STK32B: variants seen among roughly 807,000 people sequenced by gnomAD.
STK32B encodes the protein serine/threonine-protein kinase 32B.
Under a neutral mutation model 52.6 loss-of-function variants are expected in STK32B, and 43 were observed. That is an observed-to-expected ratio of 0.82 (90% CI 0.64 to 1.05). STK32B has a LOEUF of 1.05. Among genes scored for constraint, STK32B ranks in the 50% least tolerant of loss-of-function variants. STK32B has a pLI of 0.00. For missense variants in STK32B, 621 were observed against 534.6 expected, an observed-to-expected ratio of 1.16 and a Z score of -1.59; for synonymous variants, 238 against 204.3, an observed-to-expected ratio of 1.17 and a Z score of -1.41.
chr4:5,282,239 C>G (rs554763180), intron 3 of STK32B, among the ~76,000 whole-genome samples: 71 of 152,238 alleles, frequency 4.7e-4, no homozygotes, highest in African/African-American at 1.7e-3. Context: ...TTTACCTATA[C>G]ATGAAACTGG....
chr4:5,189,411 T>A (rs1721007867), intron 3 of STK32B, among the ~76,000 whole-genome samples: 1 of 152,246 alleles, frequency 6.6e-6, no homozygotes. Flanking sequence ...ATACAGTGTG[T>A]AGACTTTTCA....
At chr4:5,419,719 AAGG>A (rs1382648918) in intron 6 of STK32B, among the ~76,000 whole-genome samples, 1 of 152,166 alleles carries the variant, frequency 6.6e-6, no homozygotes, top group Non-Finnish European at 1.5e-5. Flanking sequence ...TGAGGGTTGT[AAGG>A]AGAACTTATT....
chr4:5,053,841 T>C (rs1309194620), intron 1 of STK32B, among the ~76,000 whole-genome samples: 1 of 151,998 alleles, frequency 6.6e-6, no homozygotes, highest in Non-Finnish European at 1.5e-5. Context: ...TAGCCGGGCA[T>C]GTTGGCGGGA....
chr4:5,286,888 T>A (rs1577295548), intron 3 of STK32B, among the ~76,000 whole-genome samples: 1 of 149,204 alleles, frequency 6.7e-6, no homozygotes, highest in Non-Finnish European at 1.5e-5. Context: ...ACCTCTGCCT[T>A]CCAGTTTCAA....
rs182286481 is a variant in STK32B at position 5,169,673 on chromosome 4, G to C, written c.260+1223G>C. Reference sequence around the variant, plus strand: ...TCCACCGAGAGTTCTTCGTGTCTCTGTGCAGTGATCTAAAAACTTTGATTG... The same window carrying C: ...TCCACCGAGAGTTCTTCGTGTCTCTCTGCAGTGATCTAAAAACTTTGATTG... On this transcript the variant is annotated intron_variant, in intron 3 of 11. Coordinates refer to ENST00000282908, the MANE Select transcript of STK32B (RefSeq NM_018401.3). 2.6e-5 allele frequency among the ~76,000 whole-genome samples: 4 copies of C among 152,128 alleles called. No individual in the cohort carries two copies. In the East Asian group the frequency reaches 7.8e-4, roughly 30 times the overall value.
intron 2 of STK32B, among the ~76,000 whole-genome samples, chr4:5,154,430 G>T (rs1007323438): frequency 8.5e-5 from 13 of 152,084 alleles, no homozygotes; most frequent in African/African-American, 3.1e-4. Flanking sequence ...GGTCAGGCTG[G>T]TCTTGAACTC....
chr4:5,346,476 C>T (rs1280311506), intron 4 of STK32B, among the ~76,000 whole-genome samples: 1 of 152,186 alleles, frequency 6.6e-6, no homozygotes, highest in East Asian at 1.9e-4. Flanking sequence ...CTTAGTTCCC[C>T]AGAACAGTGG....
intron 3 of STK32B, among the ~76,000 whole-genome samples, chr4:5,316,650 ATAAT>A (rs1730828177): frequency 1.0e-4 from 1 of 9,676 alleles, no homozygotes; most frequent in Admixed American, 2.1e-3. Flanking sequence ...TATTATATAT[ATAAT>A]ATATAATATA....
chr4:5,301,290 T>C (rs1231819237), intron 3 of STK32B, among the ~76,000 whole-genome samples: 1 of 152,102 alleles, frequency 6.6e-6, no homozygotes, highest in African/African-American at 2.4e-5. Flanking sequence ...CTAGAAAGCA[T>C]CGGAAAGTGT....
chr4:5,061,530 AT>A (rs1742217392), intron 1 of STK32B, among the ~76,000 whole-genome samples: 1 of 152,218 alleles, frequency 6.6e-6, no homozygotes, highest in South Asian at 2.1e-4. Context: ...AAAAAATTGC[AT>A]GCTGGGTATT....
At position 5,113,903 on chromosome 4, in the gene STK32B, A is replaced by G. The variant is rs187536072; in HGVS notation, c.53-26002A>G. 3.2e-3 allele frequency among the ~76,000 whole-genome samples: 460 copies of G among 145,404 alleles called. 3 individuals carry two copies. The highest frequency in any genetic ancestry group is 0.011 in the African/African-American group (441 of 39,106). On this transcript the variant is annotated intron_variant, in intron 1 of 11. Transcript: ENST00000282908. ...CGTGGATGGTGGCAGGCAAAAAGAAAGAGAGCTTATGCAGGGAAACCCGCC... is the reference window on the plus strand; with the variant it reads ...CGTGGATGGTGGCAGGCAAAAAGAAGGAGAGCTTATGCAGGGAAACCCGCC...
intron 4 of STK32B, among the ~76,000 whole-genome samples, chr4:5,389,727 G>GCCCC (rs147736631): frequency 0.013 from 2,040 of 151,564 alleles, 42 homozygotes; most frequent in African/African-American, 0.045. Context: ...GACTGAAAAT[G>GCCCC]CCCCCCCCAA....
rs150760354 is a variant in STK32B at position 5,467,331 on chromosome 4, C to T, written c.1041+497C>T. Reference sequence around the variant, plus strand: ...TCTCCAAAGGCTATAGGGGAGGGGCCGTCCTTGGCTCCCCAGGCTTCGAGT... The same window carrying T: ...TCTCCAAAGGCTATAGGGGAGGGGCTGTCCTTGGCTCCCCAGGCTTCGAGT... On this transcript the variant is annotated intron_variant, in intron 10 of 11. Coordinates refer to ENST00000282908, the MANE Select transcript of STK32B (RefSeq NM_018401.3). This position sits in a 1 kb window ranked among gnomAD's most constrained non-coding sequence, Gnocchi z 5.8. Among the ~76,000 whole-genome samples, 96 of 152,300 alleles carry T rather than the reference C, an allele frequency of 6.3e-4. No individual in the cohort carries two copies. In the East Asian group the frequency reaches 0.012, roughly 19 times the overall value.
rs1032916731 is a variant in STK32B at position 5,453,241 on chromosome 4, G to A, written c.667-3566G>A. Reference sequence around the variant, plus strand: ...GAGATTAGGGAGAGAGAGAGAGAGAGAGAGTAGCTCATGTGGAGGTCCAGT... The same window carrying A: ...GAGATTAGGGAGAGAGAGAGAGAGAAAGAGTAGCTCATGTGGAGGTCCAGT... On this transcript the variant is annotated intron_variant, in intron 7 of 11. Transcript: ENST00000282908. The surrounding 1 kb of genome is among the most constrained non-coding windows in gnomAD (Gnocchi z 4.0). 6.6e-6 allele frequency among the ~76,000 whole-genome samples: 1 copy of A among 152,112 alleles called. No individual in the cohort carries two copies. The highest frequency in any genetic ancestry group is 2.4e-5 in the African/African-American group (1 of 41,416).
chr4:5,262,850 C>T lies in STK32B; in HGVS notation c.261-68370C>T, dbSNP rs570562799. Among the ~76,000 whole-genome samples, 55 of 152,204 alleles carry T rather than the reference C, an allele frequency of 3.6e-4. 1 individual carries two copies. The highest frequency in any genetic ancestry group is 7.6e-4 in the Non-Finnish European group (52 of 68,006). On this transcript the variant is annotated intron_variant, in intron 3 of 11. Transcript: ENST00000282908. ...TGTTGGTTGATGTTCATTTAATACTCATTGCTTTTTTGCTATTTTATATGT... is the reference window on the plus strand; with the variant it reads ...TGTTGGTTGATGTTCATTTAATACTTATTGCTTTTTTGCTATTTTATATGT...
chr4:5,115,752 TTCAA>T (rs1200613079), intron 1 of STK32B, among the ~76,000 whole-genome samples: 6 of 152,168 alleles, frequency 3.9e-5, no homozygotes, highest in African/African-American at 1.2e-4. Context: ...TGACTTCTCA[TTCAA>T]TCAAAGACAA....
chr4:5,392,319 G>A (rs195132), intron 4 of STK32B, among the ~76,000 whole-genome samples: 114,301 of 152,064 alleles, frequency 0.75, 45,676 homozygotes, highest in Non-Finnish European at 0.89. Context: ...CCAGCTACTT[G>A]GGAAGCTGAG....
chr4:5,074,399 C>T (rs1711961124), intron 1 of STK32B, among the ~76,000 whole-genome samples: 1 of 151,892 alleles, frequency 6.6e-6, no homozygotes, highest in South Asian at 2.1e-4. Context: ...TATATTTCTG[C>T]TGAAATTCCT....
chr4:5,265,147 TC>T (rs1277633145), intron 3 of STK32B, among the ~76,000 whole-genome samples: 1 of 152,220 alleles, frequency 6.6e-6, no homozygotes, highest in Non-Finnish European at 1.5e-5. Flanking sequence ...AATCAGTTGT[TC>T]CAGTCCTAAA....
Sources: gnomAD v4.1 joint callset for allele counts (sites outside exome capture counted in the v4.1 genomes callset) on GRCh38, gnomAD v4.1.1 for gene constraint, Gnocchi (gnomAD v3.1) non-coding constraint, MANE v1.5 for transcripts, NCBI Gene and HGNC (gene_info 2026-07-23, HGNC 2026-07-21) for gene names.